Variants in RGS8 observed in about 807,000 individuals in gnomAD.
The protein encoded by RGS8 is regulator of G protein signaling 8, also known as regulator of G-protein signaling 8.
In RGS8, 8 loss-of-function variants were observed where a neutral mutation model predicts 21.7. That is an observed-to-expected ratio of 0.37 (90% CI 0.22 to 0.66). RGS8 has a LOEUF of 0.66. RGS8 is among the 30% of genes least tolerant of loss of function. The pLI is 0.59. For missense variants in RGS8, 157 were observed against 217.9 expected (o/e 0.72, Z 1.76); for synonymous variants, 80 against 83.6 (o/e 0.96, Z 0.24).
intron 6 of RGS8, among the ~76,000 whole-genome samples, chr1:182,647,547 T>C (rs1038955084): frequency 7.9e-5 from 12 of 152,262 alleles, no homozygotes; most frequent in Non-Finnish European, 1.8e-4. Flanking sequence ...TGAAATTCTG[T>C]ATTATAACTC....
chr1:182,735,610 G>A, the RGS8 span, among the ~76,000 whole-genome samples: 1 of 152,188 alleles, frequency 6.6e-6, no homozygotes, highest in Non-Finnish European at 1.5e-5. Flanking sequence ...GGCCCTGGTG[G>A]AAGCAGGGAC....
At chr1:182,725,585 G>T in the RGS8 span, among the ~76,000 whole-genome samples, 1 of 152,190 alleles carries the variant, frequency 6.6e-6, no homozygotes, top group Non-Finnish European at 1.5e-5. Flanking sequence ...CACTTCCTAT[G>T]AGGAGCCATA....
upstream of RGS8, among the ~76,000 whole-genome samples, chr1:182,685,322 T>C (rs1664676112): frequency 1.3e-5 from 2 of 152,172 alleles, no homozygotes; most frequent in South Asian, 2.1e-4. Context: ...ACAAAACCTC[T>C]TGGACAGCTT....
chr1:182,695,113 G>A, the RGS8 span, among the ~76,000 whole-genome samples: 7 of 152,044 alleles, frequency 4.6e-5, no homozygotes, highest in Non-Finnish European at 7.4e-5. Context: ...CATTGCATAC[G>A]TGAAACAATA....
intron 5 of RGS8, among the ~76,000 whole-genome samples, chr1:182,664,395 G>T (rs1663751168): frequency 6.6e-6 from 1 of 152,102 alleles, no homozygotes; most frequent in Admixed American, 6.5e-5. Context: ...CATATTCAGT[G>T]ACAGGTAGCA....
chr1:182,684,948 G>C (rs922454887), upstream of RGS8, among the ~76,000 whole-genome samples: 1 of 152,180 alleles, frequency 6.6e-6, no homozygotes, highest in Non-Finnish European at 1.5e-5. The surrounding 1 kb of genome is among the most constrained non-coding windows in gnomAD (Gnocchi z 4.2). Flanking sequence ...GATGGCGAAG[G>C]GGGAAAGATA....
At chr1:182,710,644 T>C in the RGS8 span, among the ~76,000 whole-genome samples, 4 of 151,904 alleles carry the variant, frequency 2.6e-5, no homozygotes, top group East Asian at 7.7e-4. Flanking sequence ...ATAGGTGAGC[T>C]CCAAAAGGAA....
the RGS8 span, among the ~76,000 whole-genome samples, chr1:182,720,183 T>C: frequency 5.3e-5 from 8 of 152,374 alleles, no homozygotes; most frequent in African/African-American, 1.7e-4. Context: ...TTGTTTTGTT[T>C]TGTTTTTCTT....
At chr1:182,672,868 T>C (rs143865284), upstream of RGS8, 1,888 of 1,613,630 alleles carry the variant, frequency 1.2e-3, 2 homozygotes, top group Non-Finnish European at 1.5e-3. Context: ...GAGGACTCTC[T>C]TCCTGCTTGC....
chr1:182,733,376 A>G, the RGS8 span, among the ~76,000 whole-genome samples: 1 of 152,226 alleles, frequency 6.6e-6, no homozygotes, highest in African/African-American at 2.4e-5. Context: ...CATTTTAAGT[A>G]TCCATCTGCT....
At chr1:182,656,417 G>A (rs1392432005) in intron 5 of RGS8, among the ~76,000 whole-genome samples, 3 of 152,198 alleles carry the variant, frequency 2.0e-5, no homozygotes, top group Non-Finnish European at 4.4e-5. Context: ...AACTGAGGCC[G>A]TTAGGTGCCA....
At chr1:182,682,907 C>T (rs1664583460) in intron 1 of RGS8, among the ~76,000 whole-genome samples, 1 of 152,194 alleles carries the variant, frequency 6.6e-6, no homozygotes, top group Admixed American at 6.5e-5. Context: ...ACTAAGGAAC[C>T]ATGTTCTCCA....
At position 182,684,282 on chromosome 1, in the gene RGS8, G is replaced by A. The variant is rs976014538; in HGVS notation, n.221+74C>T. 6.6e-6 allele frequency: 1 copy of A among 152,378 alleles called. No individual in the cohort carries two copies. Among genetic ancestry groups the A allele is most frequent in the African/African-American group, 2.4e-5 (1 of 41,456 alleles). The allele number at this position is 152,378 out of a possible 1,614,324, so 9.4% of individuals were successfully genotyped here. A position where few individuals can be genotyped will look rare whatever the true frequency, so the allele number is the denominator to read the frequency against. The stretch of plus-strand genomic sequence containing the variant: ...TGCAGTGCCCTGCACCTCTCAGCAA[G>A]ACTTATAGCCTGGGCTGACCTGCCC... On this transcript the variant is annotated intron_variant and non_coding_transcript_variant, in intron 1 of 4. Coordinates refer to the RGS8 transcript ENST00000515211. The surrounding 1 kb of genome is among the most constrained non-coding windows in gnomAD (Gnocchi z 4.2).
At chr1:182,680,308 T>C (rs1275567517) in intron 1 of RGS8, among the ~76,000 whole-genome samples, 3 of 152,160 alleles carry the variant, frequency 2.0e-5, no homozygotes, top group African/African-American at 7.2e-5. Flanking sequence ...CCCTGGCTTG[T>C]CCTTCAGGCC....
At chr1:182,734,803 G>T in the RGS8 span, 1 of 152,138 alleles carries the variant, frequency 6.6e-6, no homozygotes, top group African/African-American at 2.4e-5. Flanking sequence ...TCAATAGAAG[G>T]TCAGCAATTA....
chr1:182,724,058 T>C, the RGS8 span, among the ~76,000 whole-genome samples: 1 of 151,040 alleles, frequency 6.6e-6, no homozygotes, highest in East Asian at 1.9e-4. Flanking sequence ...TGTGAGGGTG[T>C]CGGCAAAGGA....
chr1:182,650,907 T>C (rs1469864696), intron 5 of RGS8, among the ~76,000 whole-genome samples: 1 of 152,116 alleles, frequency 6.6e-6, no homozygotes. Context: ...TTACCTTAAC[T>C]CTAAACCACA....
the RGS8 span, among the ~76,000 whole-genome samples, chr1:182,690,512 C>A: frequency 6.6e-6 from 1 of 152,060 alleles, no homozygotes; most frequent in Non-Finnish European, 1.5e-5. Context: ...TAGCTCTGTC[C>A]CTTTGGGCGA....
chr1:182,662,668 A>G (rs539806527), intron 5 of RGS8, among the ~76,000 whole-genome samples: 1 of 152,204 alleles, frequency 6.6e-6, no homozygotes, highest in Non-Finnish European at 1.5e-5. Context: ...ATTGAAGAGG[A>G]GCACTGATGT....
Sources: allele counts gnomAD v4.1 joint callset (sites outside exome capture counted in the v4.1 genomes callset), GRCh38; gene constraint gnomAD v4.1.1; non-coding constraint Gnocchi (gnomAD v3.1); transcripts MANE v1.5; gene names NCBI Gene and HGNC (gene_info 2026-07-23, HGNC 2026-07-21).